The following DACH2 variants were observed in gnomAD, a reference collection of about 807,000 sequenced individuals.
DACH2 encodes dachshund homolog 2.
In DACH2, 17 loss-of-function variants were observed where a neutral mutation model predicts 35.8. The observed-to-expected ratio is 0.48, with a 90% confidence interval of 0.33 to 0.71. The LOEUF (loss-of-function observed/expected upper bound fraction) is 0.71, where lower values mean the gene tolerates loss of function less well. Ranked by LOEUF, DACH2 falls within the 30% of genes least tolerant of loss-of-function variation. The probability of loss-of-function intolerance (pLI) is 0.02; values close to 1 mark genes in which losing one functional copy is unlikely to be tolerated. For missense variants in DACH2, 469 were observed against 472.7 expected (o/e 0.99, Z 0.07); for synonymous variants, 195 against 177.3 (o/e 1.10, Z -0.79).
intron 3 of DACH2, among the ~76,000 whole-genome samples, chrX:86,553,405 GTCTGCCTCCACCAGTCCACCGAC>G (rs2039076393): frequency 9.0e-6 from 1 of 111,450 alleles, no homozygotes; most frequent in Admixed American, 9.5e-5. Context: ...TTGAGGGTGG[GTCTGCCTCCACCAGTCCACCGAC>G]TCAAATGTTA....
chrX:86,667,592 G>T (rs1238882839), intron 4 of DACH2, among the ~76,000 whole-genome samples: 1 of 104,202 alleles, frequency 9.6e-6, no homozygotes, highest in Non-Finnish European at 1.9e-5. Context: ...AAGAAAGAAA[G>T]AAAGAAAGAA....
At chrX:86,177,780 G>T (rs1412151593) in intron 1 of DACH2, among the ~76,000 whole-genome samples, 2 of 110,967 alleles carry the variant, frequency 1.8e-5, no homozygotes, top group Non-Finnish European at 3.8e-5. Flanking sequence ...TAGGGAGAAA[G>T]AAGGCAGTTT....
rs200213507 is a variant in DACH2 at position 86,250,908 on chromosome X, T to TA, written c.488+101805dup. ...AGCATTGATTATAACATTGTTATTGTAAAAATCTCACTGCTGTTGTCTTAA... is the reference window on the plus strand; with the variant it reads ...AGCATTGATTATAACATTGTTATTGTAAAAAATCTCACTGCTGTTGTCTTAA... On this transcript the variant is annotated intron_variant, in intron 1 of 11. Transcript: ENST00000373125. 4.2e-3 allele frequency among the ~76,000 whole-genome samples: 468 copies of TA among 111,459 alleles called. 4 individuals carry two copies. Among genetic ancestry groups the TA allele is most frequent in the African/African-American group, 0.014 (422 of 30,769 alleles).
At chrX:86,378,251 T>C (rs182521149) in intron 2 of DACH2, among the ~76,000 whole-genome samples, 7 of 110,074 alleles carry the variant, frequency 6.4e-5, no homozygotes, top group Admixed American at 5.9e-4. Flanking sequence ...TACATATATA[T>C]ATATAATATT....
chrX:86,765,308 G>A (rs765173439), intron 7 of DACH2, among the ~76,000 whole-genome samples: 2 of 111,464 alleles, frequency 1.8e-5, no homozygotes, highest in African/African-American at 3.3e-5. Flanking sequence ...GCCAAATGAA[G>A]CCTAGTTTAG....
At chrX:86,520,228 T>A (rs1369441275) in intron 3 of DACH2, among the ~76,000 whole-genome samples, 3 of 112,029 alleles carry the variant, frequency 2.7e-5, no homozygotes, top group African/African-American at 9.7e-5. Flanking sequence ...ATCATTTTCA[T>A]CGTCTTCACT....
intron 3 of DACH2, among the ~76,000 whole-genome samples, chrX:86,586,044 T>C (rs1052684508): frequency 6.3e-5 from 7 of 111,810 alleles, no homozygotes; most frequent in Admixed American, 5.7e-4. Flanking sequence ...GTATAAGCAT[T>C]CCCTTTACTC....
intron 3 of DACH2, among the ~76,000 whole-genome samples, chrX:86,532,031 G>C (rs921547192): frequency 3.5e-5 from 4 of 113,184 alleles, no homozygotes; most frequent in Admixed American, 9.3e-5. Flanking sequence ...TTTTGGACTT[G>C]CATGGGGCCT....
intron 6 of DACH2, among the ~76,000 whole-genome samples, chrX:86,732,776 A>G (rs763532688): frequency 1.8e-5 from 2 of 112,314 alleles, no homozygotes; most frequent in Non-Finnish European, 3.8e-5. Context: ...TCAATAATCC[A>G]TATAGAAATA....
At chrX:86,381,820 T>C (rs1465977135) in intron 2 of DACH2, among the ~76,000 whole-genome samples, 1 of 110,804 alleles carries the variant, frequency 9.0e-6, no homozygotes, top group Non-Finnish European at 1.9e-5. Context: ...ACATTTCTTC[T>C]AATTCAAGGA....
At chrX:86,710,830 G>C (rs888489459) in intron 5 of DACH2, among the ~76,000 whole-genome samples, 5 of 111,872 alleles carry the variant, frequency 4.5e-5, no homozygotes, top group Non-Finnish European at 9.4e-5. Flanking sequence ...TAAAAAGGGA[G>C]TGGAAAAGCA....
At chrX:86,399,117 T>C (rs917823550) in intron 2 of DACH2, among the ~76,000 whole-genome samples, 1 of 112,137 alleles carries the variant, frequency 8.9e-6, no homozygotes, top group African/African-American at 3.2e-5. Flanking sequence ...GTTGAATTAA[T>C]CCCTGTACCA....
rs771394611 is a variant in DACH2 at position 86,207,692 on chromosome X, T to C, written c.488+58584T>C. 6.3e-3 allele frequency among the ~76,000 whole-genome samples: 702 copies of C among 111,636 alleles called. 6 individuals carry two copies. The highest frequency in any genetic ancestry group is 0.022 in the African/African-American group (669 of 30,898). ...TTTAAAATAAAACTATTTTTGTGGATCCATAAACAGACTGAGAAAGAGTAT... is the reference window on the plus strand; with the variant it reads ...TTTAAAATAAAACTATTTTTGTGGACCCATAAACAGACTGAGAAAGAGTAT... On this transcript the variant is annotated intron_variant, in intron 1 of 11. Transcript: ENST00000373125.
chrX:86,393,043 C>T, intron 2 of DACH2, among the ~76,000 whole-genome samples: 1 of 110,533 alleles, frequency 9.0e-6, no homozygotes, highest in African/African-American at 3.3e-5. Context: ...GGAGAATTAT[C>T]CAGCCTAAGA....
chrX:86,417,519 G>T (rs922145539), intron 2 of DACH2, among the ~76,000 whole-genome samples: 20 of 111,294 alleles, frequency 1.8e-4, no homozygotes, highest in African/African-American at 6.6e-4. Context: ...GAGAACTTGT[G>T]CCGGGAAACT....
At chrX:86,445,554 C>T (rs1178083014) in intron 2 of DACH2, among the ~76,000 whole-genome samples, 1 of 42,030 alleles carries the variant, frequency 2.4e-5, no homozygotes, top group Non-Finnish European at 3.9e-5. Context: ...AAGAAACTAC[C>T]ATCAGAGTGA....
At chrX:86,197,362 A>G (rs191218377) in intron 1 of DACH2, among the ~76,000 whole-genome samples, 12 of 112,090 alleles carry the variant, frequency 1.1e-4, no homozygotes, top group Non-Finnish European at 2.1e-4. Context: ...ACAAGTCTGC[A>G]TAATAATCAG....
chrX:86,389,043 C>T (rs1430677097), intron 2 of DACH2, among the ~76,000 whole-genome samples: 2 of 111,395 alleles, frequency 1.8e-5, no homozygotes, highest in South Asian at 3.8e-4. Flanking sequence ...ACTTTACTGC[C>T]TTATGGATTT....
intron 3 of DACH2, among the ~76,000 whole-genome samples, chrX:86,611,151 G>T (rs749777721): frequency 9.0e-6 from 1 of 110,614 alleles, no homozygotes; most frequent in South Asian, 3.9e-4. Context: ...TTAGGTTTGA[G>T]CTCTTGCCTT....
Sources: allele counts gnomAD v4.1 joint callset (sites outside exome capture counted in the v4.1 genomes callset), GRCh38; gene constraint gnomAD v4.1.1; transcripts MANE v1.5; gene names NCBI Gene and HGNC (gene_info 2026-07-23, HGNC 2026-07-21).